CC2D1A: variants seen among roughly 807,000 people sequenced by gnomAD.
CC2D1A encodes coiled-coil and C2 domain containing 1A.
CC2D1A carries 68 observed loss-of-function variants against 123.8 expected under a neutral mutation model. The observed-to-expected ratio is 0.55, with a 90% CI of 0.45 to 0.67. The LOEUF (loss-of-function observed/expected upper bound fraction) is 0.67, where lower values mean the gene tolerates loss of function less well. Ranked by LOEUF, CC2D1A falls within the 30% of genes least tolerant of loss-of-function variation. The pLI, the probability that CC2D1A is intolerant of heterozygous loss-of-function variation, is 0.00. For synonymous variants in CC2D1A, 477 were observed against 528.0 expected (o/e 0.90, Z 1.32); for missense variants, 1,185 against 1,290.3 (o/e 0.92, Z 1.25).
At chr19:13,920,159 G>A (rs1971358810) in intron 12 of CC2D1A, 2 of 539,294 alleles carry the variant, frequency 3.7e-6, no homozygotes, top group African/African-American at 1.9e-5. Context: ...ACTGAGGTGG[G>A]AGGATCACCT....
At chr19:13,926,231 T>C (rs546406697) in intron 17 of CC2D1A, among the ~76,000 whole-genome samples, 20 of 151,510 alleles carry the variant, frequency 1.3e-4, no homozygotes, top group African/African-American at 3.9e-4. Flanking sequence ...TCAACAACTG[T>C]TAAGTGAAGG....
Position 13,911,107 on chromosome 19 carries a change from T to C in CC2D1A, c.196+1149T>C, listed in dbSNP as rs1037475173. ...TGGGTGTGGTGGTGCATGCCTGTAA[T>C]CCCAGCTACTCGGGAGGCTGAGGCA... is the stretch of plus-strand genomic sequence containing the variant. On this transcript the variant is annotated intron_variant, in intron 2 of 28. Coordinates refer to ENST00000318003, the MANE Select transcript of CC2D1A (RefSeq NM_017721.5). 4.6e-5 allele frequency among the ~76,000 whole-genome samples: 7 copies of C among 151,812 alleles called. 1 individual carries two copies. Among genetic ancestry groups the C allele is most frequent in the African/African-American group, 1.7e-4 (7 of 41,290 alleles).
At position 13,906,491 on chromosome 19, in the gene CC2D1A, C is replaced by T; in HGVS notation, c.50C>T (p.Ala17Val). The change falls in exon 1 of 29, where the codon GCC becomes GTC. Residue 17 changes from alanine (A) to valine (V), a missense_variant. Transcript: ENST00000318003. The surrounding 1 kb of genome is among the most constrained non-coding windows in gnomAD (Gnocchi z 4.1). ...PPGPPGRGAAAARQLGLLVDL... is the reference protein window; with the variant it reads ...PPGPPGRGAAVARQLGLLVDL... Reference sequence around the variant, plus strand: ...GGACCCCCGGGCAGAGGCGCCGCGGCCGCCCGCCAGGTGAGTTTGCGCCCC... The same window carrying T: ...GGACCCCCGGGCAGAGGCGCCGCGGTCGCCCGCCAGGTGAGTTTGCGCCCC... 6.7e-7 allele frequency: 1 copy of T among 1,495,414 alleles called. No homozygotes were observed. The highest frequency in any genetic ancestry group is 1.9e-4 in the Middle Eastern group (1 of 5,200). 92.6% of individuals were successfully genotyped at this position (1,495,414 alleles called of 1,614,324 possible). A position where few individuals can be genotyped will look rare whatever the true frequency, so the allele number is the denominator to read the frequency against.
At chr19:13,927,501 A>C (rs1971686046) in intron 22 of CC2D1A, 1 of 542,556 alleles carries the variant, frequency 1.8e-6, no homozygotes, top group Non-Finnish European at 3.3e-6. Flanking sequence ...ACTCTTGGCC[A>C]GGCATGGTGG....
intron 14 of CC2D1A, among the ~76,000 whole-genome samples, chr19:13,922,962 G>C (rs1052612620): frequency 1.3e-5 from 2 of 152,188 alleles, no homozygotes; most frequent in African/African-American, 4.8e-5. Context: ...GGAGGCCAAG[G>C]CCAGCGGATC....
chr19:13,919,241 C>T (rs774758868), intron 11 of CC2D1A, 39 bp downstream of exon 11: 2 of 1,513,150 alleles, frequency 1.3e-6, no homozygotes, highest in African/African-American at 2.8e-5. Flanking sequence ...CAGTAGGCCC[C>T]GCCCCCGTAG....
At chr19:13,926,955 C>T (rs750580) in intron 20 of CC2D1A, 23 bp from the exon 21 acceptor site, 315,585 of 1,612,604 alleles carry the variant, frequency 0.2, 32,597 homozygotes, top group Admixed American at 0.32. Context: ...CACCCAACTT[C>T]CTCTCCCTCC....
chr19:13,907,477 C>T (rs1970804667), intron 1 of CC2D1A, among the ~76,000 whole-genome samples: 2 of 151,878 alleles, frequency 1.3e-5, no homozygotes, highest in South Asian at 4.2e-4. Flanking sequence ...AATCCCAGCA[C>T]TTTGGGAGGC....
chr19:13,918,058 T>C lies in CC2D1A; in HGVS notation c.749-12T>C, dbSNP rs1971269579. 2.2e-5 allele frequency: 36 copies of C among 1,612,794 alleles called. No homozygotes were observed. In the East Asian group the frequency reaches 7.8e-4, roughly 35 times the overall value. On this transcript the variant is annotated splice_polypyrimidine_tract_variant and intron_variant, in intron 6 of 28. Coordinates refer to ENST00000318003, the MANE Select transcript of CC2D1A (RefSeq NM_017721.5). ...GCCCTGGAGGCTTCCTGTATGTTGT[T>C]CTCCCTTCCAGGTCCCTGCAGCCCT...
At chr19:13,918,468 G>T in intron 7 of CC2D1A, 36 bp from the exon 8 acceptor site, 1 of 1,597,970 alleles carries the variant, frequency 6.3e-7, no homozygotes. Context: ...GCCCCCAACT[G>T]CACCTCTTCT....
In CC2D1A at chr19:13,927,097, G is replaced by C. The variant is rs2145368163; in HGVS notation, c.2225+20G>C. 1 of 1,612,792 alleles carries C rather than the reference G, an allele frequency of 6.2e-7. No individual in the cohort carries two copies. Among genetic ancestry groups the C allele is most frequent in the South Asian group, 1.1e-5 (1 of 91,058 alleles). On this transcript the variant is annotated intron_variant, in intron 21 of 28. Transcript: ENST00000318003. ...CAAGGGGTGAGCTAGAGAGAGCCATGGCCGCTGGGTGGGCTCCAGGGGAGG... is the reference window on the plus strand; with the variant it reads ...CAAGGGGTGAGCTAGAGAGAGCCATCGCCGCTGGGTGGGCTCCAGGGGAGG...
In CC2D1A at chr19:13,906,553, C is replaced by T; in HGVS notation, c.60+52C>T. 7.8e-7 allele frequency: 1 copy of T among 1,285,588 alleles called. No homozygotes were observed. The highest frequency in any genetic ancestry group is 1.0e-6 in the Non-Finnish European group (1 of 970,648). The allele number at this position is 1,285,588 out of a possible 1,614,324, so 79.6% of individuals were successfully genotyped here. The stretch of plus-strand genomic sequence containing the variant: ...TGGGGATCCCTCCCCACCCCCGTCA[C>T]TCGCTCAGGGAAGGGCCCCACCCCC... On this transcript the variant is annotated intron_variant, in intron 1 of 28. Coordinates refer to ENST00000318003, the MANE Select transcript of CC2D1A (RefSeq NM_017721.5). This position sits in a 1 kb window ranked among gnomAD's most constrained non-coding sequence, Gnocchi z 4.1.
At chr19:13,918,386 C>A in intron 7 of CC2D1A, 118 bp from the exon 8 acceptor site, 1 of 1,166,018 alleles carries the variant, frequency 8.6e-7, no homozygotes, top group Non-Finnish European at 1.2e-6. Context: ...AGCAAGATGG[C>A]ACAAATGGAA....
chr19:13,924,375 T>A (rs1367613766), intron 17 of CC2D1A, among the ~76,000 whole-genome samples: 1 of 152,010 alleles, frequency 6.6e-6, no homozygotes, highest in Non-Finnish European at 1.5e-5. Flanking sequence ...TTTCACCGTG[T>A]TAGCCAGGAT....
rs1490649294 is a variant in CC2D1A, at chr19:13,923,930, G to C, written c.1940+119G>C. 1.2e-5 allele frequency: 9 copies of C among 731,694 alleles called. No individual in the cohort carries two copies. Among genetic ancestry groups the C allele is most frequent in the Non-Finnish European group, 2.1e-5 (9 of 425,736 alleles). The allele number at this position is 731,694 out of a possible 1,614,324, so 45.3% of individuals were successfully genotyped here. On this transcript the variant is annotated intron_variant, in intron 17 of 28. Transcript: ENST00000318003. The surrounding 1 kb of genome is among the most constrained non-coding windows in gnomAD (Gnocchi z 5.3). ...TACATCTGGAAGAAATTTTGGATAGGTGGAAGAGCACAGAGCATGCAAAGG... is the reference window on the plus strand; with the variant it reads ...TACATCTGGAAGAAATTTTGGATAGCTGGAAGAGCACAGAGCATGCAAAGG...
At chr19:13,928,055 C>G in intron 23 of CC2D1A, 25 bp downstream of exon 23, 4 of 1,574,700 alleles carry the variant, frequency 2.5e-6, no homozygotes, top group Admixed American at 3.3e-5. Flanking sequence ...CCCCACCCAT[C>G]AGCAACCCCA....
chr19:13,919,921 A>G lies in CC2D1A; in HGVS notation c.1326A>G (p.Pro442=), dbSNP rs1971351589. The change falls in exon 12 of 29, where the codon CCA becomes CCG. Residue 442 remains proline, a synonymous_variant. Coordinates refer to ENST00000318003, the MANE Select transcript of CC2D1A (RefSeq NM_017721.5). ...AMKLANQDEG[P]EDEEDEVPKK... ...AGCTGGCCAACCAGGATGAAGGCCC[A>G]GAGGATGAAGAGGATGAGGTGCCTA... The G allele has an allele frequency of 1.2e-6, 2 of 1,612,922 alleles. No individual in the cohort carries two copies. The highest frequency in any genetic ancestry group is 1.7e-6 in the Non-Finnish European group (2 of 1,179,720).
intron 6 of CC2D1A, among the ~76,000 whole-genome samples, chr19:13,915,114 A>G (rs1002470037): frequency 2.0e-5 from 3 of 152,366 alleles, no homozygotes; most frequent in African/African-American, 7.2e-5. Context: ...GAAATTGTCA[A>G]CTGAAACGAC....
chr19:13,906,573 A>AC lies in CC2D1A; in HGVS notation c.60+78dup. ...CGTCACTCGCTCAGGGAAGGGCCCC[A>AC]CCCCCCAGGGAAGCCCGATCTCCGC... is the stretch of plus-strand genomic sequence containing the variant. On this transcript the variant is annotated intron_variant, in intron 1 of 28. Coordinates refer to ENST00000318003, the MANE Select transcript of CC2D1A (RefSeq NM_017721.5). This position sits in a 1 kb window ranked among gnomAD's most constrained non-coding sequence, Gnocchi z 4.1. 3.0e-6 allele frequency: 3 copies of AC among 1,002,620 alleles called. No homozygotes were observed. Among genetic ancestry groups the AC allele is most frequent in the African/African-American group, 1.8e-5 (1 of 56,210 alleles). The allele number at this position is 1,002,620 out of a possible 1,614,324, so 62.1% of individuals were successfully genotyped here. A position where few individuals can be genotyped will look rare whatever the true frequency, so the allele number is the denominator to read the frequency against.
Sources: allele counts gnomAD v4.1 joint callset (sites outside exome capture counted in the v4.1 genomes callset), GRCh38; gene constraint gnomAD v4.1.1; non-coding constraint Gnocchi (gnomAD v3.1); transcripts MANE v1.5; gene names NCBI Gene and HGNC (gene_info 2026-07-23, HGNC 2026-07-21).